Variants in AGBL4 observed in about 807,000 individuals in gnomAD.
The protein encoded by AGBL4 is AGBL carboxypeptidase 4, also known as cytosolic carboxypeptidase 6.
In AGBL4, 58 loss-of-function variants were observed where a neutral mutation model predicts 66.4. The ratio of observed to expected loss-of-function variants is 0.87; its 90% CI spans 0.71 to 1.09. The LOEUF is 1.09. AGBL4 is among the 50% of genes least tolerant of loss of function. AGBL4 has a pLI of 0.00. For synonymous variants in AGBL4, 234 were observed against 222.9 expected (o/e 1.05, Z -0.44); for missense variants, 579 against 631.0 (o/e 0.92, Z 0.88).
At chr1:49,143,538 C>T (rs1424591713) in intron 4 of AGBL4, among the ~76,000 whole-genome samples, 1 of 152,114 alleles carries the variant, frequency 6.6e-6, no homozygotes, top group Non-Finnish European at 1.5e-5. Context: ...TCCGTGAGGG[C>T]AGGGAATGTG....
In AGBL4 at chr1:49,743,750, G is replaced by A. The variant is rs201066689; in HGVS notation, c.158-46313C>T. Among the ~76,000 whole-genome samples the A allele has an allele frequency of 4.3e-4, 65 of 152,060 alleles. 1 individual carries two copies. Among genetic ancestry groups the A allele is most frequent in the Admixed American group, 2.3e-3 (35 of 15,262 alleles). On this transcript the variant is annotated intron_variant, in intron 2 of 13. Transcript: ENST00000371839. ...AAAAAATTATGAGTTCACGTCCTTC[G>A]TAGGGCCATGGATGAAGCTGGAAAC... is the stretch of plus-strand genomic sequence containing the variant.
intron 5 of AGBL4, among the ~76,000 whole-genome samples, chr1:49,012,040 A>G (rs1557558199): frequency 6.7e-6 from 1 of 148,240 alleles, no homozygotes; most frequent in East Asian, 2.0e-4. Context: ...ATAATAAAAG[A>G]AAAAAAAAAG....
At chr1:49,453,921 T>TCTAAATTC (rs1646333970) in intron 3 of AGBL4, among the ~76,000 whole-genome samples, 1 of 151,836 alleles carries the variant, frequency 6.6e-6, no homozygotes, top group Admixed American at 6.6e-5. Flanking sequence ...TTTCTAAATT[T>TCTAAATTC]CTAAATTCTG....
intron 3 of AGBL4, among the ~76,000 whole-genome samples, chr1:49,307,319 GAAAACA>G (rs960350928): frequency 1.2e-4 from 19 of 152,106 alleles, no homozygotes; most frequent in African/African-American, 2.6e-4. Context: ...CTCATGAGAT[GAAAACA>G]AAAACAAAAA....
intron 2 of AGBL4, among the ~76,000 whole-genome samples, chr1:49,794,861 G>C (rs1034049898): frequency 2.6e-5 from 4 of 151,870 alleles, no homozygotes; most frequent in African/African-American, 7.2e-5. Context: ...TTCACTCATG[G>C]CTATTTCGTT....
At chr1:49,470,718 C>G (rs1393305449) in intron 3 of AGBL4, among the ~76,000 whole-genome samples, 1 of 152,004 alleles carries the variant, frequency 6.6e-6, no homozygotes, top group African/African-American at 2.4e-5. Flanking sequence ...GAAGTTATCA[C>G]CCTATTTCAA....
intron 5 of AGBL4, among the ~76,000 whole-genome samples, chr1:48,882,332 T>A (rs528338512): frequency 1.1e-3 from 162 of 152,360 alleles, no homozygotes; most frequent in African/African-American, 3.6e-3. Flanking sequence ...TTCCTCCATG[T>A]CTTCTTTTAA....
At chr1:49,415,595 C>T (rs1473800949) in intron 3 of AGBL4, among the ~76,000 whole-genome samples, 2 of 151,970 alleles carry the variant, frequency 1.3e-5, no homozygotes, top group African/African-American at 4.8e-5. Context: ...AAGGTAGGTT[C>T]TAAAGAACCT....
downstream of AGBL4, among the ~76,000 whole-genome samples, chr1:48,532,600 A>C (rs1304949146): frequency 6.6e-6 from 1 of 152,176 alleles, no homozygotes; most frequent in African/African-American, 2.4e-5. Flanking sequence ...CATGCTATCT[A>C]AAATGATGCT....
intron 3 of AGBL4, among the ~76,000 whole-genome samples, chr1:49,376,820 T>C (rs938481350): frequency 4.6e-5 from 7 of 152,072 alleles, no homozygotes; most frequent in African/African-American, 1.4e-4. Context: ...ACTTACCACA[T>C]TGGATTTTAA....
At chr1:49,016,377 A>G (rs955864090) in intron 5 of AGBL4, among the ~76,000 whole-genome samples, 1 of 152,218 alleles carries the variant, frequency 6.6e-6, no homozygotes, top group African/African-American at 2.4e-5. Context: ...AAGTGAATGT[A>G]ATGAAATAGT....
chr1:48,679,903 G>C (rs568923647), intron 6 of AGBL4, among the ~76,000 whole-genome samples: 112 of 152,320 alleles, frequency 7.4e-4, no homozygotes, highest in African/African-American at 2.7e-3. Context: ...CCCAGCTCAC[G>C]GTGCTTAGTA....
At chr1:48,578,046 T>G (rs989533000) in intron 11 of AGBL4, among the ~76,000 whole-genome samples, 2 of 152,184 alleles carry the variant, frequency 1.3e-5, no homozygotes, top group Non-Finnish European at 2.9e-5. Flanking sequence ...TGGGCTTCAA[T>G]TTCCCTGCTT....
chr1:49,584,498 T>A (rs1478570290), intron 3 of AGBL4, among the ~76,000 whole-genome samples: 1 of 152,204 alleles, frequency 6.6e-6, no homozygotes, highest in Non-Finnish European at 1.5e-5. Context: ...TGTTTCATAG[T>A]GGTTTCTAGT....
chr1:49,497,588 ATTC>A (rs1647723481), intron 3 of AGBL4, among the ~76,000 whole-genome samples: 1 of 151,950 alleles, frequency 6.6e-6, no homozygotes, highest in African/African-American at 2.4e-5. Context: ...GTCTATTTTC[ATTC>A]TTCTATATGT....
intron 5 of AGBL4, among the ~76,000 whole-genome samples, chr1:48,961,106 T>TGTGTGTGC (rs935435997): frequency 3.3e-5 from 5 of 151,358 alleles, no homozygotes; most frequent in African/African-American, 1.2e-4. Context: ...TGTGTGTGTG[T>TGTGTGTGC]GCGTGTATGT....
At chr1:50,015,896 A>G (rs1325466121) in intron 1 of AGBL4, among the ~76,000 whole-genome samples, 1 of 152,198 alleles carries the variant, frequency 6.6e-6, no homozygotes, top group African/African-American at 2.4e-5. Context: ...AGCAATAGGG[A>G]AATGACTCCC....
chr1:49,403,732 T>C (rs142470152), intron 3 of AGBL4, among the ~76,000 whole-genome samples: 51 of 152,314 alleles, frequency 3.3e-4, no homozygotes, highest in African/African-American at 1.1e-3. Context: ...CCAAAACTGT[T>C]CAATATCATA....
chr1:49,238,957 CAG>C (rs1356511442), intron 4 of AGBL4, among the ~76,000 whole-genome samples: 7 of 152,154 alleles, frequency 4.6e-5, no homozygotes, highest in African/African-American at 1.7e-4. Flanking sequence ...CTCCACCTTT[CAG>C]AGTTTTCTAT....
Sources: gnomAD v4.1 joint callset for allele counts (sites outside exome capture counted in the v4.1 genomes callset) on GRCh38, gnomAD v4.1.1 for gene constraint, MANE v1.5 for transcripts, NCBI Gene and HGNC (gene_info 2026-07-23, HGNC 2026-07-21) for gene names.